Variants in UBE2E2 observed in about 807,000 individuals in gnomAD.
UBE2E2 encodes ubiquitin conjugating enzyme E2 E2.
UBE2E2 carries 6 observed loss-of-function variants against 24.7 expected under a neutral mutation model. The ratio of observed to expected loss-of-function variants is 0.24; its 90% confidence interval spans 0.13 to 0.48. The LOEUF is 0.48. UBE2E2 is among the 20% of genes least tolerant of loss of function. The pLI, the probability that UBE2E2 is intolerant of heterozygous loss-of-function variation, is 0.99. For synonymous variants in UBE2E2, 104 were observed against 83.6 expected (o/e 1.24, Z -1.33); for missense variants, 169 against 245.0 (o/e 0.69, Z 2.07).
Position 23,400,607 on chromosome 3 carries a change from AACACAC to A in UBE2E2, c.228-98971_228-98966del, listed in dbSNP as rs3087043. On this transcript the variant is annotated intron_variant, in intron 3 of 5. Coordinates refer to ENST00000396703, the MANE Select transcript of UBE2E2 (RefSeq NM_152653.4). ...GGTGGACAGAGAGGAGAATAAATGA[AACACAC>A]ACACACACACACACACACACACACA... Among the ~76,000 whole-genome samples the A allele has an allele frequency of 7.3e-3, 1,009 of 137,810 alleles. 11 individuals carry two copies. The highest frequency in any genetic ancestry group is 0.021 in the African/African-American group (813 of 39,222). 90.4% of individuals were successfully genotyped at this position (137,810 alleles called of 152,430 possible). A position where few individuals can be genotyped will look rare whatever the true frequency, so the allele number is the denominator to read the frequency against.
intron 5 of UBE2E2, among the ~76,000 whole-genome samples, chr3:23,545,941 T>C (rs981439742): frequency 3.3e-5 from 5 of 152,166 alleles, no homozygotes; most frequent in East Asian, 3.8e-4. Context: ...TTCTCACTTA[T>C]AAAGCTAAGC....
At chr3:23,468,222 C>T (rs1308851592) in intron 3 of UBE2E2, among the ~76,000 whole-genome samples, 1 of 152,174 alleles carries the variant, frequency 6.6e-6, no homozygotes, top group Non-Finnish European at 1.5e-5. Context: ...ATCCTATTTC[C>T]CCCTTTATTT....
intron 2 of UBE2E2, among the ~76,000 whole-genome samples, chr3:23,213,677 A>T (rs1575474385): frequency 6.6e-6 from 1 of 152,098 alleles, no homozygotes; most frequent in Non-Finnish European, 1.5e-5. Context: ...AAAAGTTCTG[A>T]TGAGGGAAGT....
chr3:23,569,997 AT>A (rs773191146), intron 5 of UBE2E2, among the ~76,000 whole-genome samples: 4 of 152,172 alleles, frequency 2.6e-5, no homozygotes, highest in Non-Finnish European at 5.9e-5. Flanking sequence ...CCTTAACAAT[AT>A]CTAGCAGATC....
chr3:23,274,884 T>C (rs1254990251), intron 3 of UBE2E2, among the ~76,000 whole-genome samples: 1 of 152,240 alleles, frequency 6.6e-6, no homozygotes, highest in Non-Finnish European at 1.5e-5. Context: ...AAATATTGCC[T>C]AATTGCCCTT....
intron 3 of UBE2E2, among the ~76,000 whole-genome samples, chr3:23,408,952 C>T (rs991788480): frequency 2.0e-5 from 3 of 152,038 alleles, no homozygotes; most frequent in Non-Finnish European, 4.4e-5. Flanking sequence ...ATGCTTAATT[C>T]CTACTTCTGT....
rs73149697 is a variant in UBE2E2, at chr3:23,262,609, G to T, written c.227+45297G>T. 2.4e-3 allele frequency among the ~76,000 whole-genome samples: 342 copies of T among 141,878 alleles called. 1 individual carries two copies. Among genetic ancestry groups the T allele is most frequent in the Non-Finnish European group, 4.3e-3 (280 of 64,482 alleles). 93.1% of individuals were successfully genotyped at this position (141,878 alleles called of 152,430 possible). A position where few individuals can be genotyped will look rare whatever the true frequency, so the allele number is the denominator to read the frequency against. ...CCATTTTAAAATCAAATTATGTGGG[G>T]TTTTTTTTTTTGCTATTGAGTTATA... On this transcript the variant is annotated intron_variant, in intron 3 of 5. Coordinates refer to ENST00000396703, the MANE Select transcript of UBE2E2 (RefSeq NM_152653.4).
At chr3:23,497,284 C>T (rs937390898) in intron 3 of UBE2E2, among the ~76,000 whole-genome samples, 35 of 152,102 alleles carry the variant, frequency 2.3e-4, no homozygotes, top group African/African-American at 2.7e-4. Context: ...TTAAGGTTTA[C>T]GGTATTGCAC....
intron 3 of UBE2E2, among the ~76,000 whole-genome samples, chr3:23,489,281 T>C (rs1409679134): frequency 2.0e-5 from 3 of 152,086 alleles, no homozygotes; most frequent in Non-Finnish European, 4.4e-5. Context: ...CTCACCATCA[T>C]GTAGAATCAG....
At chr3:23,453,246 C>A (rs998541008) in intron 3 of UBE2E2, among the ~76,000 whole-genome samples, 1 of 151,984 alleles carries the variant, frequency 6.6e-6, no homozygotes, top group African/African-American at 2.4e-5. Flanking sequence ...GTGTTTTCAA[C>A]TTATTTAAAA....
intron 4 of UBE2E2, among the ~76,000 whole-genome samples, chr3:23,514,871 A>G (rs1694694257): frequency 6.6e-6 from 1 of 152,144 alleles, no homozygotes. Flanking sequence ...TAAGACAATG[A>G]TTAAGCAATA....
chr3:23,578,333 G>A (rs1351221447), intron 5 of UBE2E2, among the ~76,000 whole-genome samples: 1 of 152,182 alleles, frequency 6.6e-6, no homozygotes, highest in Non-Finnish European at 1.5e-5. Flanking sequence ...ACTGTGGATG[G>A]GAGTATAAAT....
intron 3 of UBE2E2, among the ~76,000 whole-genome samples, chr3:23,276,183 C>T (rs9836135): frequency 0.76 from 116,094 of 152,008 alleles, 44,643 homozygotes; most frequent in East Asian, 0.84. Flanking sequence ...TCATTTCCTT[C>T]AGACAGCTCC....
chr3:23,465,795 C>T (rs1698908361), intron 3 of UBE2E2, among the ~76,000 whole-genome samples: 1 of 152,126 alleles, frequency 6.6e-6, no homozygotes, highest in African/African-American at 2.4e-5. Context: ...TGAATTCCTA[C>T]AGAAGCCCTG....
chr3:23,220,164 A>AAT (rs1696593241), intron 3 of UBE2E2, among the ~76,000 whole-genome samples: 1 of 152,216 alleles, frequency 6.6e-6, no homozygotes, highest in Admixed American at 6.5e-5. Flanking sequence ...AAGTTATTCT[A>AAT]ATATAGTATT....
At chr3:23,284,607 G>C (rs892569009) in intron 3 of UBE2E2, among the ~76,000 whole-genome samples, 7 of 151,856 alleles carry the variant, frequency 4.6e-5, no homozygotes. Context: ...GTGTGAGGTG[G>C]GGGATGATAC....
chr3:23,488,936 G>C (rs1228562721), intron 3 of UBE2E2, among the ~76,000 whole-genome samples: 1 of 152,168 alleles, frequency 6.6e-6, no homozygotes. Context: ...AACATGCCCA[G>C]GATGAAAAGG....
At chr3:23,271,635 TAGACACAGAG>T (rs1224241329) in intron 3 of UBE2E2, among the ~76,000 whole-genome samples, 1 of 152,204 alleles carries the variant, frequency 6.6e-6, no homozygotes, top group African/African-American at 2.4e-5. Flanking sequence ...ATCCCTGAGC[TAGACACAGAG>T]TGCTGATTGG....
chr3:23,313,642 C>T (rs760113417), intron 3 of UBE2E2, among the ~76,000 whole-genome samples: 6 of 152,038 alleles, frequency 3.9e-5, no homozygotes, highest in African/African-American at 9.7e-5. Flanking sequence ...CTCGGCCTCC[C>T]AAAGTGCTGG....
Sources: gnomAD v4.1 joint callset for allele counts (sites outside exome capture counted in the v4.1 genomes callset) on GRCh38, gnomAD v4.1.1 for gene constraint, MANE v1.5 for transcripts, NCBI Gene and HGNC (gene_info 2026-07-23, HGNC 2026-07-21) for gene names.